STOX1: variants seen among roughly 807,000 people sequenced by gnomAD.
The protein encoded by STOX1 is storkhead-box protein 1.
In STOX1, 57 loss-of-function variants were observed where a neutral mutation model predicts 74.8. The ratio of observed to expected loss-of-function variants is 0.76; its 90% CI spans 0.62 to 0.95. The LOEUF (loss-of-function observed/expected upper bound fraction) is 0.95. Among genes scored for constraint, STOX1 ranks in the 40% least tolerant of loss-of-function variants. The pLI, the probability that STOX1 is intolerant of heterozygous loss-of-function variation, is 0.00. For synonymous variants in STOX1, 375 were observed against 401.3 expected (o/e 0.93, Z 0.78); for missense variants, 1,010 against 1,117.0 (o/e 0.90, Z 1.37).
intron 1 of STOX1, among the ~76,000 whole-genome samples, chr10:68,862,602 G>A (rs1409603105): frequency 2.0e-5 from 3 of 151,982 alleles, no homozygotes; most frequent in Non-Finnish European, 4.4e-5. Context: ...CCTACAGCAG[G>A]CCATATCATT....
In STOX1 at chr10:68,884,593, G is replaced by A. The variant is rs771841494; in HGVS notation, c.797G>A (p.Arg266Lys). Residue 266 changes from arginine (R) to lysine (K), a missense_variant, in exon 3 of 4, where the codon AGG (arginine) becomes AAG (lysine). Coordinates refer to ENST00000298596, the MANE Select transcript of STOX1 (RefSeq NM_152709.5). ...GCACCAGTTGCTGCAGAAGTGACTA[G>A]GAAGAGTCACAGAGGTCTTGGGGAA... is the stretch of plus-strand genomic sequence containing the variant. ...QEAPVAAEVTRKSHRGLGESV... is the reference protein window; with the variant it reads ...QEAPVAAEVTKKSHRGLGESV... 1 of 1,613,858 alleles carries A rather than the reference G, an allele frequency of 6.2e-7. No individual in the cohort carries two copies. The highest frequency in any genetic ancestry group is 1.3e-5 in the African/African-American group (1 of 75,068).
chr10:68,827,645 G>T lies in STOX1; in HGVS notation c.22G>T (p.Ala8Ser). ...AAGCATGGCCCGGCCCGTGCAGCTG[G>T]CGCCGGGCTCGCTGGCGCTAGTGCT... MARPVQL[A>S]PGSLALVLCR... The change falls in exon 1 of 4, where the codon GCG becomes TCG. Residue 8 changes from alanine to serine, a missense_variant. By Grantham distance (99) the Ala-to-Ser change is moderately conservative (BLOSUM62 1). Transcript: ENST00000298596. 1 of 1,145,114 alleles carries T rather than the reference G, an allele frequency of 8.7e-7. No homozygotes were observed. The highest frequency in any genetic ancestry group is 1.1e-6 in the Non-Finnish European group (1 of 932,410). 70.9% of individuals were successfully genotyped at this position (1,145,114 alleles called of 1,614,324 possible).
At chr10:68,867,350 A>G (rs966099459) in intron 1 of STOX1, among the ~76,000 whole-genome samples, 1 of 152,194 alleles carries the variant, frequency 6.6e-6, no homozygotes, top group Non-Finnish European at 1.5e-5. Flanking sequence ...AAATGTAGCC[A>G]TAACATTCCC....
At position 68,886,342 on chromosome 10, in the gene STOX1, C is replaced by G; in HGVS notation, c.2546C>G (p.Pro849Arg). 2 of 1,614,176 alleles carry G rather than the reference C, an allele frequency of 1.2e-6. No individual in the cohort carries two copies. Among genetic ancestry groups the G allele is most frequent in the Non-Finnish European group, 1.7e-6 (2 of 1,180,032 alleles). The change falls in exon 3 of 4, where the codon CCT becomes CGT. Residue 849 changes from proline (P) to arginine (R), a missense_variant. Pro to Arg is a moderately radical substitution (Grantham distance 103). Coordinates refer to ENST00000298596, the MANE Select transcript of STOX1 (RefSeq NM_152709.5). ...SVAKCVQASA[P>R]ADERIFDYYS... Reference sequence around the variant, plus strand: ...GCTAAATGTGTACAGGCCTCAGCACCTGCTGATGAAAGAATCTTTGATTAC... The same window carrying G: ...GCTAAATGTGTACAGGCCTCAGCACGTGCTGATGAAAGAATCTTTGATTAC...
intron 1 of STOX1, among the ~76,000 whole-genome samples, chr10:68,876,175 G>C (rs1475401863): frequency 7.0e-6 from 1 of 143,606 alleles, no homozygotes; most frequent in African/African-American, 2.6e-5. Flanking sequence ...ATGTATATTT[G>C]AAATAGAGTT....
intron 3 of STOX1, among the ~76,000 whole-genome samples, chr10:68,888,284 T>C (rs1841014823): frequency 6.6e-6 from 1 of 152,014 alleles, no homozygotes; most frequent in African/African-American, 2.4e-5. Flanking sequence ...GTATTTTCAA[T>C]AGAGACAAGG....
chr10:68,880,761 C>T (rs988211353), intron 1 of STOX1, among the ~76,000 whole-genome samples: 2 of 152,060 alleles, frequency 1.3e-5, no homozygotes. Context: ...GGCGCCATCT[C>T]GGCTCACTGC....
At chr10:68,860,401 A>G (rs1338811304) in intron 1 of STOX1, among the ~76,000 whole-genome samples, 1 of 151,244 alleles carries the variant, frequency 6.6e-6, no homozygotes, top group African/African-American at 2.4e-5. Flanking sequence ...GTGAAACTCC[A>G]TCTCTACTAA....
intron 1 of STOX1, chr10:68,828,924 A>G (rs1306933846): frequency 1.0e-6 from 1 of 981,606 alleles, no homozygotes; most frequent in Non-Finnish European, 1.2e-6. Flanking sequence ...TTCATAAAAT[A>G]GCTTCTCATT....
At chr10:68,838,923 AAG>A (rs1491525903) in intron 1 of STOX1, among the ~76,000 whole-genome samples, 3 of 151,254 alleles carry the variant, frequency 2.0e-5, no homozygotes, top group African/African-American at 7.3e-5. Flanking sequence ...AAAAAAAAAA[AAG>A]AAGTGGCAAG....
In STOX1 at chr10:68,864,168, C is replaced by T. The variant is rs966512177; in HGVS notation, c.311-17790C>T. On this transcript the variant is annotated intron_variant, in intron 1 of 3. Coordinates refer to ENST00000298596, the MANE Select transcript of STOX1 (RefSeq NM_152709.5). ...CTCGATCTCCTGACCTCGTGATCCG[C>T]CCGCCTCGGCCTCCCAAAGTGTTGG... 3.3e-5 allele frequency among the ~76,000 whole-genome samples: 5 copies of T among 152,224 alleles called. 1 individual carries two copies. The highest frequency in any genetic ancestry group is 4.1e-4 in the South Asian group (2 of 4,824).
Position 68,851,905 on chromosome 10 carries a change from G to A in STOX1, c.310+23972G>A, listed in dbSNP as rs921460869. Among the ~76,000 whole-genome samples, 14 of 151,298 alleles carry A rather than the reference G, an allele frequency of 9.3e-5. No individual in the cohort carries two copies. The East Asian group carries it at 1.2e-3, about 13-fold the overall frequency. ...TCCCAGCACTTTGGAAGGCCGAGGC[G>A]GGCAGATCACCTGAGTTCAGGAGTT... is the stretch of plus-strand genomic sequence containing the variant. On this transcript the variant is annotated intron_variant, in intron 1 of 3. Coordinates refer to ENST00000298596, the MANE Select transcript of STOX1 (RefSeq NM_152709.5).
intron 1 of STOX1, among the ~76,000 whole-genome samples, chr10:68,837,389 G>A (rs541782219): frequency 2.0e-5 from 3 of 152,334 alleles, no homozygotes; most frequent in African/African-American, 4.8e-5. Context: ...TATGGAGCGG[G>A]AGGTGGGCGT....
chr10:68,871,455 T>C (rs1332741755), intron 1 of STOX1, among the ~76,000 whole-genome samples: 3 of 152,238 alleles, frequency 2.0e-5, no homozygotes, highest in Admixed American at 2.0e-4. Flanking sequence ...AAGACATTAC[T>C]AAGGACTCCT....
At chr10:68,876,189 C>A (rs1276076648) in intron 1 of STOX1, among the ~76,000 whole-genome samples, 7 of 147,544 alleles carry the variant, frequency 4.7e-5, no homozygotes, top group Non-Finnish European at 1.0e-4. Flanking sequence ...TAGAGTTTTA[C>A]TCTTGTTGCC....
chr10:68,866,986 C>T (rs1160800137), intron 1 of STOX1, among the ~76,000 whole-genome samples: 1 of 143,202 alleles, frequency 7.0e-6, no homozygotes, highest in African/African-American at 2.7e-5. Flanking sequence ...TGCTCTGTCA[C>T]CCAGGCTGGA....
intron 1 of STOX1, among the ~76,000 whole-genome samples, chr10:68,832,808 G>C (rs1048346967): frequency 6.6e-6 from 1 of 151,996 alleles, no homozygotes; most frequent in African/African-American, 2.4e-5. Context: ...CTCTTACTCA[G>C]GCTGGAATGT....
rs746471188 is a variant in STOX1 at position 68,885,022 on chromosome 10, AAG to A, written c.1229_1230del (p.Glu410GlyfsTer3). 2.5e-6 allele frequency: 4 copies of A among 1,614,182 alleles called. No individual in the cohort carries two copies. Among genetic ancestry groups the A allele is most frequent in the Non-Finnish European group, 3.4e-6 (4 of 1,180,036 alleles). ...ACAATCGGGCATAAGTATCCTTCAAAAGAGGGGGTTAAGAAAAGGCAGGGTCT... is the reference window on the plus strand; with the variant it reads ...ACAATCGGGCATAAGTATCCTTCAAAAGGGGGTTAAGAAAAGGCAGGGTCT... On this transcript the variant is annotated frameshift_variant, in exon 3 of 4. Coordinates refer to ENST00000298596, the MANE Select transcript of STOX1 (RefSeq NM_152709.5). LOFTEE classifies it high-confidence loss of function.
downstream of STOX1, among the ~76,000 whole-genome samples, chr10:68,894,752 C>T (rs887284449): frequency 4.6e-5 from 7 of 152,062 alleles, no homozygotes; most frequent in Admixed American, 1.3e-4. Flanking sequence ...TTTTTTGAGA[C>T]GGGGTCTCTG....
Sources: allele counts gnomAD v4.1 joint callset (sites outside exome capture counted in the v4.1 genomes callset), GRCh38; gene constraint gnomAD v4.1.1; transcripts MANE v1.5; gene names NCBI Gene and HGNC (gene_info 2026-07-23, HGNC 2026-07-21).